The following R3HDM4 variants were observed in gnomAD, a reference collection of about 807,000 sequenced individuals.
R3HDM4 encodes R3H domain containing 4, also known as R3H domain-containing protein 4.
A neutral mutation model predicts 31.3 loss-of-function variants in R3HDM4; 30 were observed. The ratio of observed to expected loss-of-function variants is 0.96; its 90% confidence interval spans 0.72 to 1.30. The LOEUF is 1.30. R3HDM4 is among the 50% of genes most tolerant of loss of function. The probability of loss-of-function intolerance (pLI) is 0.00; values close to 1 mark genes in which losing one functional copy is unlikely to be tolerated. For missense variants in R3HDM4, 444 were observed against 366.1 expected, an observed-to-expected ratio of 1.21 and a Z score of -1.74; for synonymous variants, 196 against 156.6, an observed-to-expected ratio of 1.25 and a Z score of -1.88.
At chr19:910,168 A>G (rs1293279309) in intron 1 of R3HDM4, among the ~76,000 whole-genome samples, 3 of 151,732 alleles carry the variant, frequency 2.0e-5, no homozygotes, top group Non-Finnish European at 4.4e-5. Flanking sequence ...TCTACTAAAA[A>G]TACAAAATTA....
intron 3 of R3HDM4, 81 bp from the exon 4 acceptor site, chr19:901,033 G>T (rs1321187707): frequency 4.1e-6 from 6 of 1,472,336 alleles, no homozygotes; most frequent in Non-Finnish European, 4.5e-6. Context: ...GCACGGTAAG[G>T]CCGCCAAGCA....
chr19:910,899 C>T (rs548002478), intron 1 of R3HDM4, among the ~76,000 whole-genome samples: 2 of 151,822 alleles, frequency 1.3e-5, no homozygotes, highest in East Asian at 3.9e-4. Flanking sequence ...GCGGGCAGAT[C>T]ACAAGGTCAA....
chr19:901,347 C>A, intron 3 of R3HDM4, 75 bp downstream of exon 3: 1 of 1,495,530 alleles, frequency 6.7e-7, no homozygotes, highest in Non-Finnish European at 9.0e-7. Context: ...GGGGGACGGG[C>A]ACAGGCGATG....
chr19:900,940 A>T lies in R3HDM4; in HGVS notation c.364T>A (p.Phe122Ile), dbSNP rs375543424. ...NATYVEVWNDFMNRSGEEQER... is the reference protein window; with the variant it reads ...NATYVEVWNDIMNRSGEEQER... ...TGCTCCTCCCCGGAGCGGTTCATGA[A>T]ATCGTTCCAGACCTGGAAGAGAGGC... Residue 122 changes from phenylalanine to isoleucine, a missense_variant, in exon 4 of 8, where the codon TTC becomes ATC. Transcript: ENST00000361574. The T allele has an allele frequency of 6.2e-7, 1 of 1,604,316 alleles. No individual in the cohort carries two copies. The highest frequency in any genetic ancestry group is 1.3e-5 in the African/African-American group (1 of 74,324).
intron 7 of R3HDM4, 48 bp from the exon 8 acceptor site, chr19:897,588 C>T (rs560355406): frequency 2.1e-5 from 31 of 1,480,326 alleles, no homozygotes; most frequent in Admixed American, 3.9e-5. Context: ...TTGGGAGCCG[C>T]GGCAGGTAGA....
intron 3 of R3HDM4, 198 bp downstream of exon 3, chr19:901,224 C>G: frequency 1.5e-6 from 1 of 685,930 alleles, no homozygotes; most frequent in Non-Finnish European, 2.4e-6. Flanking sequence ...GCAGGTGAAT[C>G]CAGGAGCTCG....
Position 900,883 on chromosome 19 carries a change from C to T in R3HDM4, c.421G>A (p.Gly141Ser), listed in dbSNP as rs1568340212. The T allele has an allele frequency of 1.9e-6, 3 of 1,587,750 alleles. No individual in the cohort carries two copies. The highest frequency in any genetic ancestry group is 1.4e-5 in the African/African-American group (1 of 74,008). Residue 141 changes from glycine to serine, a missense_variant, in exon 4 of 8, where the codon GGC (glycine) becomes AGC (serine). Coordinates refer to ENST00000361574, the MANE Select transcript of R3HDM4 (RefSeq NM_138774.4). Reference protein sequence around the residue: ...ERVLRYLEDEGRSKARRRGPG... With the variant: ...ERVLRYLEDESRSKARRRGPG... ...CCCCTCCTCCGCGCCTTGCTCCTGCCCTCATCCTCCAGGTAGCGAAGAACC... is the reference window on the plus strand; with the variant it reads ...CCCCTCCTCCGCGCCTTGCTCCTGCTCTCATCCTCCAGGTAGCGAAGAACC...
Position 900,835 on chromosome 19 carries a change from T to C in R3HDM4, c.469A>G (p.Arg157Gly), listed in dbSNP as rs537714770. The C allele has an allele frequency of 3.2e-5, 41 of 1,266,706 alleles. No individual in the cohort carries two copies. The Admixed American group carries it at 7.3e-4, about 23-fold the overall frequency. 78.5% of individuals were successfully genotyped at this position (1,266,706 alleles called of 1,614,324 possible). Residue 157 changes from arginine (R) to glycine (G), a missense_variant, in exon 4 of 8, where the codon AGG (arginine) becomes GGG (glycine). Coordinates refer to ENST00000361574, the MANE Select transcript of R3HDM4 (RefSeq NM_138774.4). The part of the protein sequence containing the change: ...RRGPGRGEDR[R>G]REDPAYTPRE... ...GCCCCAGCCAGGCCCGCACCTCTCCTCCGGTCCTCCCCACGGCCAGGGCCC... is the reference window on the plus strand; with the variant it reads ...GCCCCAGCCAGGCCCGCACCTCTCCCCCGGTCCTCCCCACGGCCAGGGCCC...
At position 902,141 on chromosome 19, in the gene R3HDM4, G is replaced by GGGCAGGGGTGGTCCTC; in HGVS notation, c.72-27_72-12dup. 5 of 1,611,514 alleles carry GGGCAGGGGTGGTCCTC rather than the reference G, an allele frequency of 3.1e-6. No homozygotes were observed. The highest frequency in any genetic ancestry group is 4.2e-6 in the Non-Finnish European group (5 of 1,179,826). On this transcript the variant is annotated splice_polypyrimidine_tract_variant and intron_variant, in intron 1 of 7. Coordinates refer to ENST00000361574, the MANE Select transcript of R3HDM4 (RefSeq NM_138774.4). ...CAGCTGGGAAGGGGCCTGTGGGCCG[G>GGGCAGGGGTGGTCCTC]GGCAGGGGTGGTCCTCAGGGTCAAG...
chr19:897,583 A>G (rs1354734769), intron 7 of R3HDM4, 43 bp from the exon 8 acceptor site: 2 of 1,505,666 alleles, frequency 1.3e-6, no homozygotes, highest in Non-Finnish European at 1.8e-6. Context: ...GGAATTTGGG[A>G]GCCGCGGCAG....
chr19:898,896 C>T lies in R3HDM4; in HGVS notation c.703+544G>A, dbSNP rs373085991. 1.6e-4 allele frequency among the ~76,000 whole-genome samples: 25 copies of T among 152,234 alleles called. No homozygotes were observed. The East Asian group carries it at 2.5e-3, about 15-fold the overall frequency. ...AAACTGTCACCTCGGCAACTCCAGG[C>T]GGGGCGGCAGAGACAGGTGTGAGAG... On this transcript the variant is annotated intron_variant, in intron 7 of 7. Coordinates refer to ENST00000361574, the MANE Select transcript of R3HDM4 (RefSeq NM_138774.4).
Position 907,812 on chromosome 19 carries a change from G to A in R3HDM4, c.71+5275C>T, listed in dbSNP as rs1678584047. Among the ~76,000 whole-genome samples the A allele has an allele frequency of 6.6e-6, 1 of 152,132 alleles. No homozygotes were observed. The highest frequency in any genetic ancestry group is 2.1e-4 in the South Asian group (1 of 4,830). On this transcript the variant is annotated intron_variant, in intron 1 of 7. Transcript: ENST00000361574. The surrounding 1 kb of genome is among the most constrained non-coding windows in gnomAD (Gnocchi z 4.1). Reference sequence around the variant, plus strand: ...TCGCCTGTTTTGTTTGGTATCTGAGGGCTCGCCACCCTCCCCTGGGTCTCT... The same window carrying A: ...TCGCCTGTTTTGTTTGGTATCTGAGAGCTCGCCACCCTCCCCTGGGTCTCT...
In R3HDM4 at chr19:901,199, TCCC is replaced by T. The variant is rs2036832147; in HGVS notation, c.351+220_351+222del. On this transcript the variant is annotated intron_variant, in intron 3 of 7. Coordinates refer to ENST00000361574, the MANE Select transcript of R3HDM4 (RefSeq NM_138774.4). ...AACACTCCTGCAATCGTTGGAGGGT[TCCC>T]AAACGTGTTGGGCAGGTGAATCCAG... 1.5e-5 allele frequency: 10 copies of T among 667,808 alleles called. No individual in the cohort carries two copies. The East Asian group carries it at 2.8e-4, about 19-fold the overall frequency. The allele number at this position is 667,808 out of a possible 1,614,324, so 41.4% of individuals were successfully genotyped here.
rs1296294757 is a variant in R3HDM4 at position 899,996 on chromosome 19, G to C, written c.561+65C>G. On this transcript the variant is annotated intron_variant, in intron 5 of 7. Transcript: ENST00000361574. This position sits in a 1 kb window ranked among gnomAD's most constrained non-coding sequence, Gnocchi z 6.8. Reference sequence around the variant, plus strand: ...CTGCACCGGGTGAGAACCTGTGCCTGGGAAACGGGCCTTCAAAAAAGACCA... The same window carrying C: ...CTGCACCGGGTGAGAACCTGTGCCTCGGAAACGGGCCTTCAAAAAAGACCA... 2 of 1,498,000 alleles carry C rather than the reference G, an allele frequency of 1.3e-6. No individual in the cohort carries two copies. Among genetic ancestry groups the C allele is most frequent in the East Asian group, 4.5e-5 (2 of 44,312 alleles). 92.8% of individuals were successfully genotyped at this position (1,498,000 alleles called of 1,614,324 possible). A position where few individuals can be genotyped will look rare whatever the true frequency, so the allele number is the denominator to read the frequency against.
intron 1 of R3HDM4, among the ~76,000 whole-genome samples, chr19:909,800 A>G (rs1473426450): frequency 1.3e-5 from 2 of 151,884 alleles, no homozygotes; most frequent in African/African-American, 2.4e-5. Flanking sequence ...TGTCCCCCCA[A>G]CCCCCACCAA....
intron 3 of R3HDM4, 85 bp downstream of exon 3, chr19:901,337 G>T: frequency 6.9e-7 from 1 of 1,439,808 alleles, no homozygotes; most frequent in Non-Finnish European, 9.4e-7. Flanking sequence ...TGCTTCTGGC[G>T]GGGGACGGGC....
Position 913,067 on chromosome 19 carries a change from C to G in R3HDM4, c.71+20G>C, listed in dbSNP as rs1159233580. Reference sequence around the variant, plus strand: ...CAGCCCGCCCCCGGCGCCCGCCGCGCCCCGCCCGCCCGCGCTCACAGCAGC... The same window carrying G: ...CAGCCCGCCCCCGGCGCCCGCCGCGGCCCGCCCGCCCGCGCTCACAGCAGC... On this transcript the variant is annotated intron_variant, in intron 1 of 7. Coordinates refer to ENST00000361574, the MANE Select transcript of R3HDM4 (RefSeq NM_138774.4). This position sits in a 1 kb window ranked among gnomAD's most constrained non-coding sequence, Gnocchi z 5.0. The G allele has an allele frequency of 4.9e-6, 5 of 1,024,644 alleles. No homozygotes were observed. The highest frequency in any genetic ancestry group is 5.9e-6 in the Non-Finnish European group (5 of 853,266). The allele number at this position is 1,024,644 out of a possible 1,614,324, so 63.5% of individuals were successfully genotyped here. A position where few individuals can be genotyped will look rare whatever the true frequency, so the allele number is the denominator to read the frequency against.
chr19:906,170 G>A (rs1637870), intron 1 of R3HDM4, among the ~76,000 whole-genome samples: 19,302 of 150,554 alleles, frequency 0.13, 2,141 homozygotes, highest in African/African-American at 0.3. Context: ...GTATACAGGC[G>A]CCCGCCACCA....
Position 901,338 on chromosome 19 carries a change from G to A in R3HDM4, c.351+84C>T. The A allele has an allele frequency of 2.1e-6, 3 of 1,448,570 alleles. No individual in the cohort carries two copies. In the South Asian group the frequency reaches 3.8e-5, roughly 18 times the overall value. 89.7% of individuals were successfully genotyped at this position (1,448,570 alleles called of 1,614,324 possible). A position where few individuals can be genotyped will look rare whatever the true frequency, so the allele number is the denominator to read the frequency against. ...CAGAAGTGGGCGGGTGCTTCTGGCG[G>A]GGGACGGGCACAGGCGATGGCCTGG... On this transcript the variant is annotated intron_variant, in intron 3 of 7. Coordinates refer to ENST00000361574, the MANE Select transcript of R3HDM4 (RefSeq NM_138774.4).
Sources: gnomAD v4.1 joint callset for allele counts (sites outside exome capture counted in the v4.1 genomes callset) on GRCh38, gnomAD v4.1.1 for gene constraint, Gnocchi (gnomAD v3.1) non-coding constraint, MANE v1.5 for transcripts, NCBI Gene and HGNC (gene_info 2026-07-23, HGNC 2026-07-21) for gene names.